FAM240A: variants seen among roughly 807,000 people sequenced by gnomAD.
FAM240A encodes protein FAM240A.
In FAM240A, 8 loss-of-function variants were observed where a neutral mutation model predicts 7.3. The observed-to-expected ratio is 1.09, with a 90% CI of 0.64 to 1.97. The LOEUF (loss-of-function observed/expected upper bound fraction) is 1.97. Among genes scored for constraint, FAM240A ranks in the 30% most tolerant of loss-of-function variants. The pLI is 0.00. For missense variants in FAM240A, 90 were observed against 102.2 expected (o/e 0.88, Z 0.52); for synonymous variants, 32 against 35.9 (o/e 0.89, Z 0.38).
intron 2 of FAM240A, among the ~76,000 whole-genome samples, chr3:46,621,900 A>C (rs1037086036): frequency 1.9e-4 from 29 of 151,836 alleles, no homozygotes; most frequent in South Asian, 2.1e-4. Flanking sequence ...TTAGTTACTT[A>C]GAGTGCTTTA....
At chr3:46,617,127 G>T in intron 1 of FAM240A, 56 bp from the exon 2 acceptor site, 2 of 1,172,876 alleles carry the variant, frequency 1.7e-6, no homozygotes, top group Non-Finnish European at 2.4e-6. Flanking sequence ...GATGAGTGAT[G>T]TTGAGCATTT....
intron 2 of FAM240A, among the ~76,000 whole-genome samples, chr3:46,621,826 T>G (rs1697698301): frequency 6.6e-6 from 1 of 152,126 alleles, no homozygotes; most frequent in Non-Finnish European, 1.5e-5. Context: ...ATCCGACATA[T>G]TTTAGTATAA....
At chr3:46,617,356 GAATT>G in intron 2 of FAM240A, 28 bp downstream of exon 2, 1 of 1,486,358 alleles carries the variant, frequency 6.7e-7, no homozygotes, top group South Asian at 1.3e-5. Flanking sequence ...CTACTTTTTA[GAATT>G]AATTAATTTT....
At chr3:46,624,264 A>ATTTTTTTTTTT (rs59290700) in intron 2 of FAM240A, among the ~76,000 whole-genome samples, 1 of 96,494 alleles carries the variant, frequency 1.0e-5, no homozygotes. Flanking sequence ...ACGGTGGGCT[A>ATTTTTTTTTTT]TTTTTTTTTT....
intron 2 of FAM240A, among the ~76,000 whole-genome samples, chr3:46,619,498 A>G (rs1697671843): frequency 6.6e-6 from 1 of 152,182 alleles, no homozygotes; most frequent in South Asian, 2.1e-4. Context: ...TGATGCACAC[A>G]GGGGTGTGTA....
At chr3:46,614,355 A>G (rs1164064309) in intron 1 of FAM240A, among the ~76,000 whole-genome samples, 1 of 152,252 alleles carries the variant, frequency 6.6e-6, no homozygotes, top group Non-Finnish European at 1.5e-5. Context: ...CATAGTGAGG[A>G]CAATGACTAA....
intron 2 of FAM240A, among the ~76,000 whole-genome samples, chr3:46,619,880 G>T (rs1333276930): frequency 2.0e-5 from 3 of 152,188 alleles, no homozygotes; most frequent in Admixed American, 2.0e-4. Context: ...GTGGAATGGA[G>T]AAACCACCAT....
chr3:46,620,938 T>C (rs12330414), intron 2 of FAM240A, among the ~76,000 whole-genome samples: 70,609 of 151,976 alleles, frequency 0.46, 16,747 homozygotes, highest in African/African-American at 0.56. Flanking sequence ...TAGCTAAATG[T>C]AGTTATTTTG....
intron 1 of FAM240A, 113 bp downstream of exon 1, chr3:46,612,811 C>G: frequency 1.2e-6 from 1 of 827,660 alleles, no homozygotes; most frequent in Non-Finnish European, 2.0e-6. Flanking sequence ...CGAATTCTCT[C>G]AAGTACAAGA....
At chr3:46,620,026 T>A (rs916437371) in intron 2 of FAM240A, among the ~76,000 whole-genome samples, 1 of 152,116 alleles carries the variant, frequency 6.6e-6, no homozygotes, top group Non-Finnish European at 1.5e-5. Flanking sequence ...CTTTGCTGCC[T>A]ACTTACTTTG....
At chr3:46,624,327 A>C (rs998988732) in intron 2 of FAM240A, among the ~76,000 whole-genome samples, 2 of 134,406 alleles carry the variant, frequency 1.5e-5, no homozygotes, top group Admixed American at 1.7e-4. Context: ...GCTGAAGTGC[A>C]GTGGCACAAT....
chr3:46,614,754 C>G (rs1025135302), intron 1 of FAM240A, among the ~76,000 whole-genome samples: 2 of 152,178 alleles, frequency 1.3e-5, no homozygotes, highest in African/African-American at 4.8e-5. Context: ...TCCAAGCTTT[C>G]CTAAATGGTG....
Position 46,624,298 on chromosome 3 carries a change from G to T in FAM240A, c.162-830G>T, listed in dbSNP as rs1697732061. ...TTTTTTTTTTTTTTTTTGAGACAGA[G>T]TCTTACTCCGTCACCCAAGCTGAAG... On this transcript the variant is annotated intron_variant, in intron 2 of 2. Transcript: ENST00000640551. Among the ~76,000 whole-genome samples the T allele has an allele frequency of 5.1e-5, 6 of 118,234 alleles. No individual in the cohort carries two copies. The South Asian group carries it at 1.3e-3, about 26-fold the overall frequency. The allele number at this position is 118,234 out of a possible 152,430, so 77.6% of individuals were successfully genotyped here.
At chr3:46,618,789 G>A (rs369082360) in intron 2 of FAM240A, among the ~76,000 whole-genome samples, 15 of 151,454 alleles carry the variant, frequency 9.9e-5, no homozygotes, top group East Asian at 1.9e-4. Flanking sequence ...GTGGTGAGCC[G>A]AGATCTTGCC....
At chr3:46,613,200 A>G (rs1030629178) in intron 1 of FAM240A, among the ~76,000 whole-genome samples, 1 of 152,230 alleles carries the variant, frequency 6.6e-6, no homozygotes, top group African/African-American at 2.4e-5. Context: ...TCAACACTAT[A>G]AACAAGACAC....
chr3:46,625,649 T>G lies in FAM240A; in HGVS notation c.*431T>G, dbSNP rs1000048952. The G allele has an allele frequency of 1.3e-5, 2 of 152,284 alleles. No individual in the cohort carries two copies. The highest frequency in any genetic ancestry group is 4.8e-5 in the African/African-American group (2 of 41,458). 9.4% of individuals were successfully genotyped at this position (152,284 alleles called of 1,614,324 possible). ...ACAGCTTTATGGAATTCTTGTTTTC[T>G]TTTTATGAGAAGAGAAATGCACCTA... On this transcript the variant is annotated 3_prime_UTR_variant, in exon 3 of 3. Transcript: ENST00000640551.
At chr3:46,614,076 G>T (rs994750032) in intron 1 of FAM240A, among the ~76,000 whole-genome samples, 1 of 151,900 alleles carries the variant, frequency 6.6e-6, no homozygotes, top group Non-Finnish European at 1.5e-5. Flanking sequence ...GTAGCACTAC[G>T]CCCAGCTAAT....
intron 1 of FAM240A, among the ~76,000 whole-genome samples, chr3:46,614,456 T>TACTGCTG (rs1436993247): frequency 2.0e-5 from 3 of 152,242 alleles, no homozygotes; most frequent in African/African-American, 7.2e-5. Flanking sequence ...GTCAGCAGCA[T>TACTGCTG]TTTCCAGCAA....
intron 2 of FAM240A, among the ~76,000 whole-genome samples, chr3:46,617,555 A>T (rs1248198438): frequency 1.3e-5 from 2 of 152,186 alleles, no homozygotes; most frequent in African/African-American, 2.4e-5. Flanking sequence ...GTTTTGTAAG[A>T]GCAAAATTAA....
Sources: allele counts gnomAD v4.1 joint callset (sites outside exome capture counted in the v4.1 genomes callset), GRCh38; gene constraint gnomAD v4.1.1; transcripts MANE v1.5; gene names NCBI Gene and HGNC (gene_info 2026-07-23, HGNC 2026-07-21).